Variants in ARG1 observed in about 807,000 individuals in gnomAD.
ARG1 encodes arginase 1, also known as arginase-1.
In ARG1, 20 loss-of-function variants were observed where a neutral mutation model predicts 33.0. That is an observed-to-expected ratio of 0.61 (90% CI 0.43 to 0.88). The LOEUF is 0.88. ARG1 is among the 40% of genes least tolerant of loss of function. ARG1 has a pLI of 0.00. For missense variants in ARG1, 374 were observed against 384.7 expected, an observed-to-expected ratio of 0.97 and a Z score of 0.23; for synonymous variants, 146 against 140.6, an observed-to-expected ratio of 1.04 and a Z score of -0.27.
At chr6:131,577,174 A>T (rs1174744855) in intron 2 of ARG1, among the ~76,000 whole-genome samples, 1 of 152,258 alleles carries the variant, frequency 6.6e-6, no homozygotes, top group Non-Finnish European at 1.5e-5. Context: ...ATACATATAC[A>T]TAAGCATGCA....
rs1169271455 is a variant in ARG1 at position 131,577,050 on chromosome 6, C to CAGCAGGAAGTATGCTACT, written c.130+320_130+337dup. ...GGAACAGCAAATGGAAGGCAAGGTG[C>CAGCAGGAAGTATGCTACT]AGCAGGAAGTATGCTACTAGCAAGA... is the stretch of plus-strand genomic sequence containing the variant. On this transcript the variant is annotated intron_variant, in intron 2 of 7. Transcript: ENST00000368087. 3.1e-4 allele frequency among the ~76,000 whole-genome samples: 47 copies of CAGCAGGAAGTATGCTACT among 152,128 alleles called. 2 individuals are homozygous for CAGCAGGAAGTATGCTACT. The highest frequency in any genetic ancestry group is 3.1e-3 in the Admixed American group (47 of 15,280).
chr6:131,583,654 G>A, intron 7 of ARG1, 88 bp from the exon 8 acceptor site: 1 of 1,531,544 alleles, frequency 6.5e-7, no homozygotes, highest in South Asian at 1.2e-5. Flanking sequence ...ACCTTTTTCT[G>A]TTAGTGGATA....
At chr6:131,578,381 C>T (rs559600456) in intron 2 of ARG1, among the ~76,000 whole-genome samples, 61 of 152,112 alleles carry the variant, frequency 4.0e-4, no homozygotes, top group African/African-American at 1.4e-3. Flanking sequence ...TTCAGAACAC[C>T]GAACTGAATC....
intron 2 of ARG1, among the ~76,000 whole-genome samples, chr6:131,577,671 G>A (rs1325336940): frequency 6.6e-6 from 1 of 151,990 alleles, no homozygotes; most frequent in African/African-American, 2.4e-5. Flanking sequence ...GGAAGCCAAG[G>A]TGGGTGGACT....
intron 2 of ARG1, among the ~76,000 whole-genome samples, chr6:131,577,082 CT>C (rs1214276502): frequency 1.3e-5 from 2 of 152,198 alleles, no homozygotes; most frequent in African/African-American, 4.8e-5. Context: ...AAGAGGACCC[CT>C]ATTTGTGAAA....
Position 131,574,244 on chromosome 6 carries a change from G to A in ARG1, c.57+905G>A, listed in dbSNP as rs769346375. On this transcript the variant is annotated intron_variant, in intron 1 of 7. Coordinates refer to ENST00000368087, the MANE Select transcript of ARG1 (RefSeq NM_000045.4). ...CTCCAGGTTTCTCAGGATCTGGGCA[G>A]CGTTTTGCTTCCTCTTAATTTGGAA... 42 of 1,611,352 alleles carry A rather than the reference G, an allele frequency of 2.6e-5. No homozygotes were observed. The South Asian group carries it at 4.4e-4, about 17-fold the overall frequency.
intron 2 of ARG1, among the ~76,000 whole-genome samples, chr6:131,578,448 C>T (rs1444684806): frequency 6.6e-6 from 1 of 152,128 alleles, no homozygotes; most frequent in Non-Finnish European, 1.5e-5. Context: ...TTTTAGGGAG[C>T]ACACCCAGTC....
chr6:131,582,469 C>A, intron 4 of ARG1, 152 bp from the exon 5 acceptor site: 1 of 672,924 alleles, frequency 1.5e-6, no homozygotes, highest in Non-Finnish European at 2.5e-6. Flanking sequence ...GGCACACATC[C>A]TCTTCTTAAT....
Position 131,583,061 on chromosome 6 carries a change from T to C in ARG1, c.562T>C (p.Tyr188His). Residue 188 changes from tyrosine (Y) to histidine (H), a missense_variant and splice_region_variant, in exon 6 of 8, where the codon TAC becomes CAC. By Grantham distance (83) the Tyr-to-His change is moderately conservative. Coordinates refer to ENST00000368087, the MANE Select transcript of ARG1 (RefSeq NM_000045.4). ...GLRDVDPGEHYILKTLGIKYF... is the reference protein window; with the variant it reads ...GLRDVDPGEHHILKTLGIKYF... ...ATTATCTTAATTTCTCTTTTATAGC[T>C]ACATTTTGAAAACTCTAGGCATTAA... is the stretch of plus-strand genomic sequence containing the variant. 1 of 1,609,030 alleles carries C rather than the reference T, an allele frequency of 6.2e-7. No individual in the cohort carries two copies. Among genetic ancestry groups the C allele is most frequent in the Non-Finnish European group, 8.5e-7 (1 of 1,175,922 alleles).
At chr6:131,581,084 C>A in intron 3 of ARG1, 135 bp from the exon 4 acceptor site, 2 of 828,852 alleles carry the variant, frequency 2.4e-6, no homozygotes, top group Non-Finnish European at 4.0e-6. Context: ...TAATTGGCAT[C>A]TCCAATTCAG....
chr6:131,579,139 G>C lies in ARG1; in HGVS notation c.159G>C (p.Leu53=). The C allele has an allele frequency of 6.2e-7, 1 of 1,614,164 alleles. No homozygotes were observed. The highest frequency in any genetic ancestry group is 8.5e-7 in the Non-Finnish European group (1 of 1,180,018). Residue 53 remains leucine, a synonymous_variant, in exon 3 of 8, where the codon CTG becomes CTC. Coordinates refer to ENST00000368087, the MANE Select transcript of ARG1 (RefSeq NM_000045.4). Reference sequence around the variant, plus strand: ...GTGATGTGAAGGATTATGGGGACCTGCCCTTTGCTGACATCCCTAATGACA... The same window carrying C: ...GTGATGTGAAGGATTATGGGGACCTCCCCTTTGCTGACATCCCTAATGACA... ...QECDVKDYGD[L]PFADIPNDSP...
At chr6:131,574,369 G>A (rs562985287) in intron 1 of ARG1, 12 of 1,547,906 alleles carry the variant, frequency 7.8e-6, no homozygotes, top group Middle Eastern at 1.7e-4. Flanking sequence ...ATACTACTTT[G>A]CTTCCCCTGG....
In ARG1 at chr6:131,581,277, TG is replaced by T; in HGVS notation, c.367del (p.Val123TrpfsTer11). The T allele has an allele frequency of 6.2e-7, 1 of 1,613,902 alleles. No homozygotes were observed. The highest frequency in any genetic ancestry group is 8.5e-7 in the Non-Finnish European group (1 of 1,179,812). On this transcript the variant is annotated frameshift_variant, in exon 4 of 8. Coordinates refer to ENST00000368087, the MANE Select transcript of ARG1 (RefSeq NM_000045.4). LOFTEE classifies it high-confidence loss of function. ...GGTCCACCCTGATCTTGGAGTCATC[TG>T]GGTGGATGCTCACACTGATATCAAC... ...ARVHPDLGVI[W>X]VDAHTDINTP...
At chr6:131,573,433 T>C in intron 1 of ARG1, 94 bp downstream of exon 1, 1 of 1,197,792 alleles carries the variant, frequency 8.3e-7, no homozygotes, top group Non-Finnish European at 1.2e-6. Flanking sequence ...TTAGTTCAGT[T>C]TTCTGATACA....
chr6:131,584,087 T>C lies in ARG1; in HGVS notation c.*179T>C. 2.8e-6 allele frequency: 2 copies of C among 712,752 alleles called. No individual in the cohort carries two copies. The highest frequency in any genetic ancestry group is 4.5e-6 in the Non-Finnish European group (2 of 448,032). 44.2% of individuals were successfully genotyped at this position (712,752 alleles called of 1,614,324 possible). A position where few individuals can be genotyped will look rare whatever the true frequency, so the allele number is the denominator to read the frequency against. ...AATTCAAGATGTGGAAATTCTAACT[T>C]TTTTGAAATTTAAAAGCTTATATTT... On this transcript the variant is annotated 3_prime_UTR_variant, in exon 8 of 8. Transcript: ENST00000368087.
At chr6:131,583,266 T>C (rs951888921) in intron 6 of ARG1, 89 bp from the exon 7 acceptor site, 1 of 1,605,640 alleles carries the variant, frequency 6.2e-7, no homozygotes, top group Non-Finnish European at 8.5e-7. Context: ...AATGGGTTGC[T>C]ACTTTTTATA....
At chr6:131,581,187 C>T in intron 3 of ARG1, 32 bp from the exon 4 acceptor site, 1 of 1,612,130 alleles carries the variant, frequency 6.2e-7, no homozygotes, top group Non-Finnish European at 8.5e-7. Context: ...CACTGCAAAC[C>T]TGATGTTCAC....
At chr6:131,580,526 T>C (rs1773865140) in intron 3 of ARG1, among the ~76,000 whole-genome samples, 1 of 152,202 alleles carries the variant, frequency 6.6e-6, no homozygotes, top group Admixed American at 6.5e-5. Context: ...AAAACCGCAA[T>C]ACTTTTGCAC....
intron 1 of ARG1, chr6:131,573,937 C>G: frequency 3.0e-6 from 1 of 331,934 alleles, no homozygotes. Context: ...AAAAAAAGAA[C>G]AAAAAAAGAA....
Sources: allele counts gnomAD v4.1 joint callset (sites outside exome capture counted in the v4.1 genomes callset), GRCh38; gene constraint gnomAD v4.1.1; transcripts MANE v1.5; gene names NCBI Gene and HGNC (gene_info 2026-07-23, HGNC 2026-07-21).